Variants in AMN1 observed in about 807,000 individuals in gnomAD.
AMN1 encodes the protein antagonist of mitotic exit network 1 homolog, also known as protein AMN1 homolog.
Under a neutral mutation model 33.0 loss-of-function variants are expected in AMN1, and 20 were observed. The ratio of observed to expected loss-of-function variants is 0.61; its 90% CI spans 0.43 to 0.88. The LOEUF (loss-of-function observed/expected upper bound fraction) is 0.88, where lower values mean the gene tolerates loss of function less well. Among genes scored for constraint, AMN1 ranks in the 40% least tolerant of loss-of-function variants. The pLI, the probability that AMN1 is intolerant of heterozygous loss-of-function variation, is 0.00. For synonymous variants in AMN1, 114 were observed against 111.9 expected (o/e 1.02, Z -0.12); for missense variants, 246 against 307.4 (o/e 0.80, Z 1.49).
At chr12:31,712,256 A>AT (rs61078475) in intron 1 of AMN1, among the ~76,000 whole-genome samples, 3 of 150,814 alleles carry the variant, frequency 2.0e-5, no homozygotes, top group South Asian at 4.2e-4. Flanking sequence ...TTTTATTATT[A>AT]TTTTTTTTCA....
At chr12:31,676,380 C>T (rs1937695973) in intron 6 of AMN1, among the ~76,000 whole-genome samples, 2 of 151,492 alleles carry the variant, frequency 1.3e-5, no homozygotes, top group Admixed American at 6.6e-5. Flanking sequence ...GAGGCCAAGG[C>T]AGGTGGATCG....
intron 5 of AMN1, among the ~76,000 whole-genome samples, chr12:31,696,510 T>G (rs1938733323): frequency 6.6e-6 from 1 of 152,186 alleles, no homozygotes; most frequent in African/African-American, 2.4e-5. Flanking sequence ...CATAGTTATA[T>G]TAAACCACTT....
intron 1 of AMN1, among the ~76,000 whole-genome samples, chr12:31,720,137 A>G (rs894856268): frequency 5.3e-5 from 8 of 152,358 alleles, no homozygotes; most frequent in Admixed American, 5.2e-4. Flanking sequence ...TAATCATTTT[A>G]CAGTGTGCAC....
intron 1 of AMN1, among the ~76,000 whole-genome samples, chr12:31,718,019 C>A (rs1164551827): frequency 6.6e-6 from 1 of 152,120 alleles, no homozygotes; most frequent in Non-Finnish European, 1.5e-5. Flanking sequence ...TGTTTTCCAA[C>A]GTGGTTCCAT....
At chr12:31,715,580 G>A (rs7299633) in intron 1 of AMN1, 158,819 of 161,100 alleles carry the variant, frequency 0.99, 78,338 homozygotes, top group Middle Eastern at 1. Flanking sequence ...CTGCTTCAAG[G>A]CCTCAGCTTC....
intron 2 of AMN1, among the ~76,000 whole-genome samples, chr12:31,707,520 T>C (rs1168782154): frequency 6.6e-6 from 1 of 152,216 alleles, no homozygotes; most frequent in African/African-American, 2.4e-5. Context: ...GACTGAACTT[T>C]TTCCAAACCC....
chr12:31,695,483 C>CTTTA, intron 5 of AMN1, among the ~76,000 whole-genome samples: 1 of 67,578 alleles, frequency 1.5e-5, no homozygotes, highest in Non-Finnish European at 3.4e-5. Flanking sequence ...TTCTTTCTTT[C>CTTTA]TTTCTTTTTT....
chr12:31,672,592 G>GT (rs1487726779), intron 6 of AMN1: 2 of 351,672 alleles, frequency 5.7e-6, no homozygotes, highest in Admixed American at 4.4e-5. Flanking sequence ...GGTATTACTT[G>GT]TTTAAAAAAA....
At chr12:31,717,347 CTGATGAGCATT>C (rs1159161247) in intron 1 of AMN1, among the ~76,000 whole-genome samples, 1 of 152,156 alleles carries the variant, frequency 6.6e-6, no homozygotes, top group African/African-American at 2.4e-5. Context: ...CAGTCTATCA[CTGATGAGCATT>C]TGAGTTGGTT....
chr12:31,678,901 G>A (rs2139654807), intron 6 of AMN1, among the ~76,000 whole-genome samples: 1 of 152,208 alleles, frequency 6.6e-6, no homozygotes, highest in South Asian at 2.1e-4. Context: ...GAATAATGAG[G>A]AAACAGAATA....
At chr12:31,696,776 A>T (rs1592159972) in intron 5 of AMN1, among the ~76,000 whole-genome samples, 1 of 151,758 alleles carries the variant, frequency 6.6e-6, no homozygotes, top group African/African-American at 2.4e-5. Context: ...AAAATACAAA[A>T]ATTAGTCGGT....
chr12:31,726,238 C>T (rs1183752279), intron 1 of AMN1, among the ~76,000 whole-genome samples: 4 of 151,430 alleles, frequency 2.6e-5, no homozygotes, highest in African/African-American at 4.9e-5. Flanking sequence ...CTCGGCTCAC[C>T]GCAACCTCTG....
At chr12:31,688,391 C>G (rs1938360012) in intron 6 of AMN1, among the ~76,000 whole-genome samples, 2 of 152,192 alleles carry the variant, frequency 1.3e-5, no homozygotes, top group South Asian at 4.1e-4. Context: ...ACAACTACTG[C>G]TGCCATCATA....
intron 3 of AMN1, among the ~76,000 whole-genome samples, 171 bp from the exon 4 acceptor site, chr12:31,698,128 T>G (rs1938818296): frequency 6.6e-6 from 1 of 152,198 alleles, no homozygotes; most frequent in Non-Finnish European, 1.5e-5. Context: ...TATTCAGAAC[T>G]CTTTTGGAAT....
chr12:31,725,702 T>C (rs1940035520), intron 1 of AMN1, among the ~76,000 whole-genome samples: 2 of 152,180 alleles, frequency 1.3e-5, no homozygotes, highest in South Asian at 4.1e-4. Flanking sequence ...TATTTATGTA[T>C]TTATTTATTT....
At chr12:31,673,038 G>C (rs374813780) in intron 6 of AMN1, 1 of 152,158 alleles carries the variant, frequency 6.6e-6, no homozygotes, top group Admixed American at 6.5e-5. Context: ...ATGTACAGTC[G>C]TGATTTTGAT....
At chr12:31,686,292 A>G (rs1370515750) in intron 6 of AMN1, among the ~76,000 whole-genome samples, 9 of 152,188 alleles carry the variant, frequency 5.9e-5, no homozygotes, top group African/African-American at 1.9e-4. Flanking sequence ...CTAAAATACA[A>G]AAATTAGCTG....
intron 1 of AMN1, chr12:31,715,373 G>T: frequency 4.6e-6 from 1 of 215,948 alleles, no homozygotes; most frequent in South Asian, 8.7e-5. Context: ...AGGATCTCTG[G>T]ATTCTTTGCT....
At chr12:31,692,351 G>A (rs191926840) in intron 5 of AMN1, among the ~76,000 whole-genome samples, 191 of 151,662 alleles carry the variant, frequency 1.3e-3, no homozygotes, top group Middle Eastern at 0.01. Context: ...CAGCTACTTG[G>A]GAAGCTGAGG....
Sources: gnomAD v4.1 joint callset for allele counts (sites outside exome capture counted in the v4.1 genomes callset) on GRCh38, gnomAD v4.1.1 for gene constraint, MANE v1.5 for transcripts, NCBI Gene and HGNC (gene_info 2026-07-23, HGNC 2026-07-21) for gene names.